The following BTG4 variants were observed in gnomAD, a reference collection of about 807,000 sequenced individuals.
The protein encoded by BTG4 is protein BTG4.
A neutral mutation model predicts 19.3 loss-of-function variants in BTG4; 10 were observed. The observed-to-expected ratio is 0.52, with a 90% CI of 0.32 to 0.88. The LOEUF (loss-of-function observed/expected upper bound fraction) is 0.88, where lower values mean the gene tolerates loss of function less well. Ranked by LOEUF, BTG4 falls within the 40% of genes least tolerant of loss-of-function variation. The pLI is 0.04. For synonymous variants in BTG4, 91 were observed against 95.7 expected (o/e 0.95, Z 0.29); for missense variants, 238 against 281.9 (o/e 0.84, Z 1.11).
At chr11:111,394,493 C>A in the BTG4 span, among the ~76,000 whole-genome samples, 3 of 152,198 alleles carry the variant, frequency 2.0e-5, no homozygotes, top group East Asian at 1.9e-4. Context: ...GTAAGACATG[C>A]CTTTGCCTTC....
At chr11:111,441,801 G>A in the BTG4 span, among the ~76,000 whole-genome samples, 1 of 152,196 alleles carries the variant, frequency 6.6e-6, no homozygotes, top group African/African-American at 2.4e-5. Flanking sequence ...GCTCACGCCT[G>A]TAATCCCAGC....
intron 5 of BTG4, chr11:111,469,871 A>AT (rs1863960074): frequency 6.5e-6 from 1 of 152,690 alleles, no homozygotes; most frequent in African/African-American, 2.4e-5. Flanking sequence ...TGACCAAAGC[A>AT]TAAGTGCTAT....
intron 1 of BTG4, among the ~76,000 whole-genome samples, chr11:111,511,194 A>G (rs1013844464): frequency 6.6e-6 from 1 of 152,244 alleles, no homozygotes; most frequent in African/African-American, 2.4e-5. Context: ...TCTACGAGTT[A>G]ATTTTTACAA....
chr11:111,418,911 A>T, the BTG4 span, among the ~76,000 whole-genome samples: 1 of 152,192 alleles, frequency 6.6e-6, no homozygotes, highest in East Asian at 1.9e-4. Context: ...TTACTTCCTC[A>T]CCATTGTGGA....
downstream of BTG4, among the ~76,000 whole-genome samples, chr11:111,491,774 A>C (rs944137312): frequency 1.3e-5 from 2 of 151,674 alleles, no homozygotes; most frequent in Non-Finnish European, 2.9e-5. Context: ...AAAAGAAAAG[A>C]AAAATAAGTG....
chr11:111,395,249 C>A, the BTG4 span, among the ~76,000 whole-genome samples: 1 of 152,226 alleles, frequency 6.6e-6, no homozygotes, highest in South Asian at 2.1e-4. Flanking sequence ...GGCCTGAGGT[C>A]CCATGTGGCT....
chr11:111,386,542 G>T, the BTG4 span, among the ~76,000 whole-genome samples: 1 of 152,206 alleles, frequency 6.6e-6, no homozygotes, highest in African/African-American at 2.4e-5. Flanking sequence ...ACAGATGGGA[G>T]CAGAAGAGAG....
At chr11:111,439,774 A>G in the BTG4 span, among the ~76,000 whole-genome samples, 1 of 152,138 alleles carries the variant, frequency 6.6e-6, no homozygotes, top group South Asian at 2.1e-4. Flanking sequence ...AGCCTCTAGA[A>G]GACCCTTTCA....
chr11:111,421,296 T>A, the BTG4 span, among the ~76,000 whole-genome samples: 1 of 152,186 alleles, frequency 6.6e-6, no homozygotes, highest in Admixed American at 6.5e-5. Flanking sequence ...ACCTGAGCAT[T>A]CAGCCCTCCC....
At position 111,498,739 on chromosome 11, in the gene BTG4, G is replaced by A. The variant is rs750023158; in HGVS notation, c.38C>T (p.Thr13Ile). 6.2e-7 allele frequency: 1 copy of A among 1,612,512 alleles called. No homozygotes were observed. The highest frequency in any genetic ancestry group is 2.2e-5 in the East Asian group (1 of 44,840). The change falls in exon 2 of 5, where the codon ACA (threonine) becomes ATA (isoleucine). Residue 13 changes from threonine (T) to isoleucine (I), a missense_variant. Coordinates refer to ENST00000692032, the MANE Select transcript of BTG4 (RefSeq NM_001367975.1). ...DEIATTVFFV[T>I]RLVKKHDKLS... The stretch of plus-strand genomic sequence containing the variant: ...TTTATCATGTTTTTTCACCAATCTT[G>A]TGACAAAGAAAACTGTTGTTGCAAT...
chr11:111,405,885 G>A, the BTG4 span, among the ~76,000 whole-genome samples: 1 of 152,136 alleles, frequency 6.6e-6, no homozygotes, highest in Non-Finnish European at 1.5e-5. Context: ...TTAAATATGT[G>A]TAAAACACTT....
the BTG4 span, among the ~76,000 whole-genome samples, chr11:111,433,335 A>G: frequency 6.6e-6 from 1 of 152,228 alleles, no homozygotes; most frequent in Non-Finnish European, 1.5e-5. Context: ...TGGTGCTGGG[A>G]AAACTGGCTA....
chr11:111,394,370 G>A, the BTG4 span, among the ~76,000 whole-genome samples: 1 of 152,154 alleles, frequency 6.6e-6, no homozygotes, highest in African/African-American at 2.4e-5. Flanking sequence ...GAGTCATAGG[G>A]GCAGTTCCCC....
At chr11:111,389,104 C>A in the BTG4 span, among the ~76,000 whole-genome samples, 9 of 152,344 alleles carry the variant, frequency 5.9e-5, no homozygotes, top group African/African-American at 2.2e-4. Context: ...ATCCAACATG[C>A]GAAGGCAAGT....
chr11:111,496,883 C>T, intron 4 of BTG4: 1 of 209,496 alleles, frequency 4.8e-6, no homozygotes. Context: ...GTGGTATTTT[C>T]AATTGACAGA....
At chr11:111,494,090 A>T (rs955041274), downstream of BTG4, among the ~76,000 whole-genome samples, 7 of 152,220 alleles carry the variant, frequency 4.6e-5, no homozygotes, top group Admixed American at 2.6e-4. Context: ...ACCAAGATGT[A>T]GGGAGAAGAT....
intron 5 of BTG4, among the ~76,000 whole-genome samples, chr11:111,478,070 C>T (rs1864502519): frequency 1.3e-5 from 2 of 152,032 alleles, no homozygotes; most frequent in South Asian, 4.2e-4. Context: ...TCTAGACATC[C>T]CCACACCTGG....
intron 5 of BTG4, among the ~76,000 whole-genome samples, chr11:111,476,265 T>C (rs2135552494): frequency 6.6e-6 from 1 of 152,162 alleles, no homozygotes; most frequent in Middle Eastern, 3.4e-3. Flanking sequence ...GGGTAGATAA[T>C]GAAAGATGAC....
chr11:111,513,675 T>C (rs1306682174), upstream of BTG4, among the ~76,000 whole-genome samples: 1 of 152,166 alleles, frequency 6.6e-6, no homozygotes, highest in Non-Finnish European at 1.5e-5. Context: ...AATGTGTATG[T>C]ATGTGGGGTT....
Sources: gnomAD v4.1 joint callset for allele counts (sites outside exome capture counted in the v4.1 genomes callset) on GRCh38, gnomAD v4.1.1 for gene constraint, MANE v1.5 for transcripts, NCBI Gene and HGNC (gene_info 2026-07-23, HGNC 2026-07-21) for gene names.